The following XDH variants were observed in gnomAD, a reference collection of about 807,000 sequenced individuals.
The protein encoded by XDH is xanthine dehydrogenase/oxidase.
In XDH, 138 loss-of-function variants were observed where a neutral mutation model predicts 156.1. The observed-to-expected ratio is 0.88, with a 90% CI of 0.77 to 1.02. The LOEUF is 1.02. Ranked by LOEUF, XDH falls within the 50% of genes least tolerant of loss-of-function variation. XDH has a pLI of 0.00. For synonymous variants in XDH, 669 were observed against 625.7 expected, an observed-to-expected ratio of 1.07 and a Z score of -1.03; for missense variants, 1,849 against 1,684.9, an observed-to-expected ratio of 1.10 and a Z score of -1.71.
chr2:31,370,553 T>G, intron 17 of XDH, 75 bp from the exon 18 acceptor site: 1 of 1,588,104 alleles, frequency 6.3e-7, no homozygotes. Context: ...TGGACAACCC[T>G]GTTCTTATTT....
At chr2:31,405,213 C>T (rs558739793) in intron 2 of XDH, among the ~76,000 whole-genome samples, 2 of 152,256 alleles carry the variant, frequency 1.3e-5, no homozygotes, top group Admixed American at 6.5e-5. Context: ...AGGTGAGCTG[C>T]ACAAATCACT....
chr2:31,405,683 C>T (rs559214631), intron 2 of XDH, among the ~76,000 whole-genome samples: 55 of 152,132 alleles, frequency 3.6e-4, no homozygotes, highest in Non-Finnish European at 5.9e-4. Flanking sequence ...AGAGTCTTAG[C>T]GGGGAGACAC....
At chr2:31,413,056 G>T (rs1407495392) in intron 1 of XDH, among the ~76,000 whole-genome samples, 1 of 152,150 alleles carries the variant, frequency 6.6e-6, no homozygotes, top group Non-Finnish European at 1.5e-5. Context: ...TCTAGATTTA[G>T]TGCATAACAG....
intron 16 of XDH, among the ~76,000 whole-genome samples, chr2:31,372,879 A>G (rs1031548677): frequency 3.3e-5 from 5 of 152,150 alleles, no homozygotes; most frequent in African/African-American, 1.2e-4. Flanking sequence ...AAACAAAAAT[A>G]TAATAATAAT....
At chr2:31,378,514 C>G (rs1686340908) in intron 13 of XDH, among the ~76,000 whole-genome samples, 1 of 152,106 alleles carries the variant, frequency 6.6e-6, no homozygotes, top group African/African-American at 2.4e-5. Context: ...CCCACTTTTC[C>G]CTGAAGAAGC....
In XDH at chr2:31,381,831, C is replaced by A. The variant is rs2148780628; in HGVS notation, c.1039-105G>T. The A allele has an allele frequency of 8.1e-6, 8 of 990,364 alleles. No homozygotes were observed. In the East Asian group the frequency reaches 2.1e-4, roughly 26 times the overall value. The allele number at this position is 990,364 out of a possible 1,614,324, so 61.3% of individuals were successfully genotyped here. ...CCAGGTGACACCTGCTGCAGGCAAA[C>A]CCCTGAGGTCCTGTGCCTACTGTAG... On this transcript the variant is annotated intron_variant, in intron 11 of 35. Transcript: ENST00000379416.
chr2:31,339,647 G>T lies in XDH; in HGVS notation c.3616C>A (p.Leu1206Ile). 6.2e-7 allele frequency: 1 copy of T among 1,614,176 alleles called. No individual in the cohort carries two copies. The highest frequency in any genetic ancestry group is 8.5e-7 in the Non-Finnish European group (1 of 1,180,030). Residue 1206 changes from leucine to isoleucine, a missense_variant, in exon 34 of 36, where the codon CTC (leucine) becomes ATC (isoleucine). Physicochemically the swap from Leu to Ile is conservative, Grantham distance 5. Coordinates refer to ENST00000379416, the MANE Select transcript of XDH (RefSeq NM_000379.4). ...VEGAFVQGLG[L>I]FTLEELHYSP... ...TAGTGTAGCTCCTCTAGGGTGAAGA[G>T]GCCAAGGCCCTGGACAAATGCCCCT...
Position 31,342,312 on chromosome 2 carries a change from A to G in XDH, c.3405-15T>C, listed in dbSNP as rs141728694. 1,327 of 1,604,734 alleles carry G rather than the reference A, an allele frequency of 8.3e-4. 11 individuals are homozygous for G. The African/African-American group carries it at 0.016, about 20-fold the overall frequency. On this transcript the variant is annotated splice_polypyrimidine_tract_variant and intron_variant, in intron 31 of 35. Transcript: ENST00000379416. ...GATTGGGTGTTCTGGGAGAGGAAAGAGAAGGTACTGCACATGTATTAACAT... is the reference window on the plus strand; with the variant it reads ...GATTGGGTGTTCTGGGAGAGGAAAGGGAAGGTACTGCACATGTATTAACAT...
intron 1 of XDH, among the ~76,000 whole-genome samples, chr2:31,407,385 C>A (rs1687221789): frequency 6.6e-6 from 1 of 152,066 alleles, no homozygotes; most frequent in Admixed American, 6.6e-5. Flanking sequence ...GTAATGCAAG[C>A]CATTCATGAG....
At chr2:31,372,817 T>C (rs1179898715) in intron 16 of XDH, among the ~76,000 whole-genome samples, 1 of 152,024 alleles carries the variant, frequency 6.6e-6, no homozygotes, top group Non-Finnish European at 1.5e-5. Flanking sequence ...ATATATGCTA[T>C]AAATATAGTA....
At chr2:31,344,153 C>G (rs777607171) in intron 31 of XDH, among the ~76,000 whole-genome samples, 21 of 152,152 alleles carry the variant, frequency 1.4e-4, no homozygotes, top group African/African-American at 4.3e-4. Context: ...GTCATACGCT[C>G]TCTTGAAAAT....
chr2:31,366,548 T>C lies in XDH; in HGVS notation c.2322+322A>G, dbSNP rs743163. Reference sequence around the variant, plus strand: ...TGAGGAAACTGAGGCAGGATATGACTTGACCGAGGCCATAGGCACTGAAAT... The same window carrying C: ...TGAGGAAACTGAGGCAGGATATGACCTGACCGAGGCCATAGGCACTGAAAT... On this transcript the variant is annotated intron_variant, in intron 21 of 35. Transcript: ENST00000379416. 0.3 allele frequency among the ~76,000 whole-genome samples: 46,226 copies of C among 152,114 alleles called. 7,360 individuals carry two copies. The highest frequency in any genetic ancestry group is 0.34 in the Non-Finnish European group (23,361 of 68,000).
In XDH at chr2:31,348,383, C is replaced by A. The variant is rs1427675078; in HGVS notation, c.3052-20G>T. The A allele has an allele frequency of 1.2e-6, 2 of 1,610,412 alleles. No individual in the cohort carries two copies. Among genetic ancestry groups the A allele is most frequent in the Non-Finnish European group, 1.7e-6 (2 of 1,177,044 alleles). On this transcript the variant is annotated intron_variant, in intron 27 of 35. Transcript: ENST00000379416. ...TCCTGCCTAGGGAAAGAGAAGGATG[C>A]CAGACACAAAATTCAGTAAAATCCA...
In XDH at chr2:31,375,445, G is replaced by A. The variant is rs1180603379; in HGVS notation, c.1537C>T (p.Leu513Phe). 2 of 1,614,098 alleles carry A rather than the reference G, an allele frequency of 1.2e-6. No homozygotes were observed. Among genetic ancestry groups the A allele is most frequent in the East Asian group, 2.2e-5 (1 of 44,906 alleles). The change falls in exon 15 of 36, where the codon CTC (leucine) becomes TTC (phenylalanine). Residue 513 changes from leucine to phenylalanine, a missense_variant. Leu to Phe is a conservative substitution (Grantham distance 22). Coordinates refer to ENST00000379416, the MANE Select transcript of XDH (RefSeq NM_000379.4). ...AGGTAGAACTTGAAGAAGAAGCTGA[G>A]GGTGAGGGTGCACCGGAAGTCCACC... ...GMVDFRCTLT[L>F]SFFFKFYLTV...
chr2:31,359,498 A>G (rs1685716991), intron 24 of XDH, among the ~76,000 whole-genome samples: 1 of 152,192 alleles, frequency 6.6e-6, no homozygotes, highest in African/African-American at 2.4e-5. Flanking sequence ...TTTTTTTCCA[A>G]CTGTGATTTA....
chr2:31,383,272 T>G, intron 10 of XDH, 120 bp from the exon 11 acceptor site: 1 of 1,491,510 alleles, frequency 6.7e-7, no homozygotes, highest in South Asian at 1.2e-5. Context: ...CTCACAGCTT[T>G]CCATGGATGA....
intron 13 of XDH, 65 bp downstream of exon 13, chr2:31,379,802 C>G: frequency 6.6e-7 from 1 of 1,509,536 alleles, no homozygotes; most frequent in Non-Finnish European, 9.2e-7. Context: ...ATTCTGATCT[C>G]TTTGTCTAGA....
At chr2:31,380,542 G>C (rs45540539) in intron 12 of XDH, among the ~76,000 whole-genome samples, 1 of 152,200 alleles carries the variant, frequency 6.6e-6, no homozygotes, top group African/African-American at 2.4e-5. Flanking sequence ...AACCTCTGTC[G>C]CTGAGCCTCT....
At chr2:31,414,553 T>C in intron 1 of XDH, 72 bp downstream of exon 1, 1 of 1,586,800 alleles carries the variant, frequency 6.3e-7, no homozygotes, top group South Asian at 1.1e-5. Flanking sequence ...GAACAAGATA[T>C]GGCTCTGCCA....
Sources: gnomAD v4.1 joint callset for allele counts (sites outside exome capture counted in the v4.1 genomes callset) on GRCh38, gnomAD v4.1.1 for gene constraint, MANE v1.5 for transcripts, NCBI Gene and HGNC (gene_info 2026-07-23, HGNC 2026-07-21) for gene names.